AAMDC: variants seen among roughly 807,000 people sequenced by gnomAD.
AAMDC encodes the protein mth938 domain-containing protein.
AAMDC carries 16 observed loss-of-function variants against 15.5 expected under a neutral mutation model. That is an observed-to-expected ratio of 1.03 (90% CI 0.70 to 1.57). The LOEUF (loss-of-function observed/expected upper bound fraction) is 1.57, where lower values mean the gene tolerates loss of function less well. Ranked by LOEUF, AAMDC falls within the 40% of genes most tolerant of loss-of-function variation. The pLI is 0.00. For missense variants in AAMDC, 141 were observed against 144.9 expected (o/e 0.97, Z 0.14); for synonymous variants, 51 against 51.6 (o/e 0.99, Z 0.05).
chr11:77,901,125 G>A (rs1291647696), downstream of AAMDC, among the ~76,000 whole-genome samples: 1 of 152,216 alleles, frequency 6.6e-6, no homozygotes. Context: ...AATCTATCAA[G>A]TAGGAGGATA....
rs760806389 is a variant in AAMDC at position 77,842,463 on chromosome 11, T to C, written c.-18-16T>C. 6 of 1,607,570 alleles carry C rather than the reference T, an allele frequency of 3.7e-6. No homozygotes were observed. The South Asian group carries it at 4.4e-5, about 12-fold the overall frequency. On this transcript the variant is annotated splice_polypyrimidine_tract_variant and intron_variant, in intron 1 of 3. Coordinates refer to ENST00000393427, the MANE Select transcript of AAMDC (RefSeq NM_024684.4). ...TACTTTATAACTGATTTAGTATATTTTTCTTTTAATTTCAGACTTCAGTGA... is the reference window on the plus strand; with the variant it reads ...TACTTTATAACTGATTTAGTATATTCTTCTTTTAATTTCAGACTTCAGTGA...
chr11:77,851,995 C>T lies in AAMDC; in HGVS notation c.132+9367C>T, dbSNP rs554403705. Reference sequence around the variant, plus strand: ...TCAATTCAGATTCACTAGTTGTTAACATTCTGCCACATTTGCTTTATCTAG... The same window carrying T: ...TCAATTCAGATTCACTAGTTGTTAATATTCTGCCACATTTGCTTTATCTAG... On this transcript the variant is annotated intron_variant, in intron 2 of 3. Transcript: ENST00000393427. 2.0e-5 allele frequency among the ~76,000 whole-genome samples: 3 copies of T among 152,090 alleles called. No individual in the cohort carries two copies. In the East Asian group the frequency reaches 5.8e-4, roughly 29 times the overall value.
chr11:77,821,439 C>G (rs576416348), intron 1 of AAMDC, among the ~76,000 whole-genome samples, 198 bp downstream of exon 1: 1 of 151,988 alleles, frequency 6.6e-6, no homozygotes, highest in South Asian at 2.1e-4. Flanking sequence ...AGTTTGCCGA[C>G]GGGGTATTGC....
At chr11:77,835,525 C>A (rs752560743) in intron 1 of AAMDC, among the ~76,000 whole-genome samples, 1 of 152,128 alleles carries the variant, frequency 6.6e-6, no homozygotes, top group Non-Finnish European at 1.5e-5. Context: ...CGTTGATACT[C>A]CCAAAAAAGC....
chr11:77,869,656 C>G, intron 2 of AAMDC, 66 bp from the exon 3 acceptor site: 1 of 1,441,028 alleles, frequency 6.9e-7, no homozygotes, highest in Non-Finnish European at 9.7e-7. Context: ...ATGAATCCCA[C>G]AAGAATGCCT....
downstream of AAMDC, chr11:77,877,011 C>T (rs1443526178): frequency 1.4e-6 from 1 of 703,082 alleles, no homozygotes; most frequent in Non-Finnish European, 2.6e-6. Context: ...TTCCACCTGG[C>T]TACAGCTTCA....
chr11:77,888,591 A>G (rs1423427373), intron 5 of AAMDC, among the ~76,000 whole-genome samples: 7 of 152,224 alleles, frequency 4.6e-5, no homozygotes, highest in Non-Finnish European at 1.0e-4. Flanking sequence ...AATTAAACTA[A>G]AGAGCTTCTG....
chr11:77,893,744 T>C (rs1323260080), intron 5 of AAMDC, among the ~76,000 whole-genome samples: 2 of 151,866 alleles, frequency 1.3e-5, no homozygotes, highest in Non-Finnish European at 2.9e-5. Context: ...AATACAAAAA[T>C]TAGCCAGGTG....
intron 1 of AAMDC, chr11:77,840,964 T>C: frequency 2.0e-6 from 1 of 491,850 alleles, no homozygotes; most frequent in Non-Finnish European, 3.6e-6. Context: ...TATAACTGAA[T>C]ACCTGAAACT....
intron 5 of AAMDC, among the ~76,000 whole-genome samples, chr11:77,880,908 A>G (rs1261745874): frequency 1.3e-5 from 2 of 152,176 alleles, no homozygotes; most frequent in Non-Finnish European, 1.5e-5. Context: ...TGGGCAACAG[A>G]AGGAAACCCT....
At chr11:77,903,461 G>A (rs972700349), downstream of AAMDC, 149 of 1,606,456 alleles carry the variant, frequency 9.3e-5, 2 homozygotes, top group Middle Eastern at 8.4e-4. Flanking sequence ...CAGAGCTATA[G>A]GAAGGCCTCT....
chr11:77,827,287 T>C (rs1482615088), intron 1 of AAMDC, among the ~76,000 whole-genome samples: 1 of 152,214 alleles, frequency 6.6e-6, no homozygotes, highest in East Asian at 1.9e-4. Context: ...ACTTCCCAAC[T>C]TATTCTGTGA....
Position 77,883,965 on chromosome 11 carries a change from A to G in AAMDC, c.328+6916A>G, listed in dbSNP as rs765046639. 15 of 1,611,124 alleles carry G rather than the reference A, an allele frequency of 9.3e-6. No homozygotes were observed. In the African/African-American group the frequency reaches 1.6e-4, roughly 17 times the overall value. ...CTGGATATAAGACCTAAAGGGTGAC[A>G]GAAATGAGAAAAAGGCAGAAGCGAG... On this transcript the variant is annotated intron_variant, in intron 5 of 5. Coordinates refer to the AAMDC transcript ENST00000304716.
intron 1 of AAMDC, among the ~76,000 whole-genome samples, chr11:77,829,088 T>G (rs1949305152): frequency 6.6e-6 from 1 of 152,200 alleles, no homozygotes; most frequent in African/African-American, 2.4e-5. Context: ...TATTTAGAGA[T>G]AATGCCTATA....
intron 3 of AAMDC, 67 bp downstream of exon 3, chr11:77,869,884 C>A: frequency 6.8e-7 from 1 of 1,469,774 alleles, no homozygotes; most frequent in Non-Finnish European, 9.5e-7. Context: ...GTCTTACAGA[C>A]TTGTCCTTCT....
Position 77,839,071 on chromosome 11 carries a change from T to C in AAMDC, c.-18-3408T>C, listed in dbSNP as rs555833297. ...GCTTTATTTCCCTTATACTACTTTC[T>C]TTGAAGTCTTTGCTAAATGTCAGAC... On this transcript the variant is annotated intron_variant, in intron 1 of 3. Coordinates refer to ENST00000393427, the MANE Select transcript of AAMDC (RefSeq NM_024684.4). Among the ~76,000 whole-genome samples, 4 of 152,364 alleles carry C rather than the reference T, an allele frequency of 2.6e-5. No individual in the cohort carries two copies. In the South Asian group the frequency reaches 8.3e-4, roughly 32 times the overall value.
intron 2 of AAMDC, among the ~76,000 whole-genome samples, chr11:77,860,563 G>A (rs1327489497): frequency 1.3e-5 from 2 of 152,222 alleles, no homozygotes; most frequent in East Asian, 3.9e-4. Flanking sequence ...TTCTGAAAGG[G>A]CAGCTAAAAG....
In AAMDC at chr11:77,872,330, G is replaced by A. The variant is rs588217; in HGVS notation, c.*15G>A. On this transcript the variant is annotated 3_prime_UTR_variant, in exon 4 of 4. Transcript: ENST00000393427. ...CCACCTGCTGATGGAGCCTTAAGAG[G>A]AGAATAAATCACTAAGTGCCTATGC... The A allele has an allele frequency of 0.23, 368,893 of 1,604,858 alleles. 43,470 individuals carry two copies. Among genetic ancestry groups the A allele is most frequent in the Middle Eastern group, 0.24 (1,450 of 5,972 alleles).
At chr11:77,879,250 T>C in intron 5 of AAMDC, 3 of 991,486 alleles carry the variant, frequency 3.0e-6, no homozygotes, top group Non-Finnish European at 4.4e-6. Flanking sequence ...CCGTCTACAT[T>C]CCCTCCCCTT....
Sources: gnomAD v4.1 joint callset for allele counts (sites outside exome capture counted in the v4.1 genomes callset) on GRCh38, gnomAD v4.1.1 for gene constraint, MANE v1.5 for transcripts, NCBI Gene and HGNC (gene_info 2026-07-23, HGNC 2026-07-21) for gene names.